Variants in CTNND2 observed in about 807,000 individuals in gnomAD.
CTNND2 encodes catenin delta 2.
Under a neutral mutation model 144.4 loss-of-function variants are expected in CTNND2, and 22 were observed. The observed-to-expected ratio is 0.15, with a 90% confidence interval of 0.11 to 0.22. The LOEUF is 0.22. CTNND2 is among the 10% of genes least tolerant of loss of function. The pLI, the probability that CTNND2 is intolerant of heterozygous loss-of-function variation, is 1.00. For synonymous variants in CTNND2, 751 were observed against 695.6 expected, an observed-to-expected ratio of 1.08 and a Z score of -1.25; for missense variants, 1,353 against 1,618.8, an observed-to-expected ratio of 0.84 and a Z score of 2.82.
chr5:11,221,164 A>T (rs559178414), intron 10 of CTNND2, among the ~76,000 whole-genome samples: 1 of 152,314 alleles, frequency 6.6e-6, no homozygotes, highest in South Asian at 2.1e-4. Context: ...TGAAACATTT[A>T]AAAAATATTT....
At chr5:11,702,435 G>T (rs1785488359) in intron 2 of CTNND2, among the ~76,000 whole-genome samples, 1 of 152,188 alleles carries the variant, frequency 6.6e-6, no homozygotes, top group Admixed American at 6.5e-5. Context: ...TGCTCAGACA[G>T]TTCTTGTTTT....
intron 10 of CTNND2, among the ~76,000 whole-genome samples, chr5:11,230,229 A>G (rs1459924549): frequency 1.1e-4 from 5 of 44,472 alleles, no homozygotes; most frequent in Admixed American, 3.3e-4. Flanking sequence ...GGGAGGGGGG[A>G]GGGGGGAGGG....
At chr5:10,975,798 C>T (rs975063773) in intron 21 of CTNND2, among the ~76,000 whole-genome samples, 5 of 152,228 alleles carry the variant, frequency 3.3e-5, no homozygotes, top group Non-Finnish European at 7.3e-5. Context: ...GGGACATCTT[C>T]AGGAGGAGTC....
At chr5:11,585,636 T>C (rs1186809736) in intron 2 of CTNND2, among the ~76,000 whole-genome samples, 1 of 152,060 alleles carries the variant, frequency 6.6e-6, no homozygotes, top group Admixed American at 6.6e-5. Context: ...GTTTACATTC[T>C]AATGGAGAAA....
chr5:11,742,220 C>T (rs1788058073), intron 1 of CTNND2, among the ~76,000 whole-genome samples: 1 of 152,154 alleles, frequency 6.6e-6, no homozygotes, highest in Admixed American at 6.6e-5. Context: ...ATATTGATGA[C>T]TTCTAAACAT....
Position 11,903,622 on chromosome 5 carries a change from C to T in CTNND2, c.37+195G>A, listed in dbSNP as rs1042706833. 6.6e-6 allele frequency among the ~76,000 whole-genome samples: 1 copy of T among 152,186 alleles called. No individual in the cohort carries two copies. Among genetic ancestry groups the T allele is most frequent in the African/African-American group, 2.4e-5 (1 of 41,452 alleles). On this transcript the variant is annotated intron_variant, in intron 1 of 21. Coordinates refer to ENST00000304623, the MANE Select transcript of CTNND2 (RefSeq NM_001332.4). The surrounding 1 kb of genome is among the most constrained non-coding windows in gnomAD (Gnocchi z 5.4). ...AAGAAAGGCACTAACCCCGGACCCC[C>T]TTCCAGGCACAGCGGCTTCCGAGGG...
At chr5:11,636,623 G>A (rs534555809) in intron 2 of CTNND2, among the ~76,000 whole-genome samples, 8 of 152,292 alleles carry the variant, frequency 5.3e-5, no homozygotes, top group African/African-American at 1.4e-4. Flanking sequence ...AACTCTGACT[G>A]AAAAAGTTTT....
chr5:11,218,623 A>G (rs1739462970), intron 10 of CTNND2, among the ~76,000 whole-genome samples: 1 of 152,230 alleles, frequency 6.6e-6, no homozygotes, highest in African/African-American at 2.4e-5. Context: ...CCTGGTGCCT[A>G]CCAAGCTTCC....
chr5:11,817,596 G>T (rs183989596), intron 1 of CTNND2, among the ~76,000 whole-genome samples: 12 of 152,138 alleles, frequency 7.9e-5, no homozygotes, highest in Admixed American at 5.9e-4. Context: ...CAGCTTTGCG[G>T]GGCAGCTGTG....
intron 12 of CTNND2, among the ~76,000 whole-genome samples, chr5:11,128,846 AAT>A (rs1269183789): frequency 3.0e-4 from 18 of 60,540 alleles, no homozygotes; most frequent in East Asian, 3.5e-4. Context: ...TTAAGTATAT[AAT>A]ATATATAATA....
chr5:11,848,040 A>C (rs987161564), intron 1 of CTNND2, among the ~76,000 whole-genome samples: 2 of 152,038 alleles, frequency 1.3e-5, no homozygotes, highest in African/African-American at 2.4e-5. Flanking sequence ...AGAATCCTAA[A>C]TTCCTATAGT....
chr5:11,002,744 C>A (rs1195639007), intron 18 of CTNND2, among the ~76,000 whole-genome samples: 6 of 152,026 alleles, frequency 3.9e-5, no homozygotes, highest in Non-Finnish European at 8.8e-5. Flanking sequence ...GGAGGGTGAC[C>A]CAGTGAATAG....
At chr5:11,826,848 G>A (rs1327304072) in intron 1 of CTNND2, among the ~76,000 whole-genome samples, 1 of 151,752 alleles carries the variant, frequency 6.6e-6, no homozygotes, top group African/African-American at 2.4e-5. Flanking sequence ...ATAATTCAAA[G>A]AAGAAAAAGA....
chr5:11,499,208 A>C (rs1379482652), intron 3 of CTNND2, among the ~76,000 whole-genome samples: 1 of 152,162 alleles, frequency 6.6e-6, no homozygotes, highest in Non-Finnish European at 1.5e-5. Flanking sequence ...TCAAGTTAAA[A>C]TATGGTATAT....
At chr5:11,569,577 T>C (rs1410285001) in intron 2 of CTNND2, among the ~76,000 whole-genome samples, 7 of 152,190 alleles carry the variant, frequency 4.6e-5, no homozygotes, top group Non-Finnish European at 1.5e-5. Context: ...TTAGCTAACT[T>C]AGTATGAAAA....
chr5:11,559,299 T>G (rs1465541494), intron 3 of CTNND2, among the ~76,000 whole-genome samples: 1 of 152,084 alleles, frequency 6.6e-6, no homozygotes, highest in Non-Finnish European at 1.5e-5. Flanking sequence ...AGACGTTGAC[T>G]TAGGGTCATG....
At chr5:11,108,340 T>C (rs770679957) in intron 14 of CTNND2, among the ~76,000 whole-genome samples, 3 of 152,292 alleles carry the variant, frequency 2.0e-5, no homozygotes, top group Middle Eastern at 3.4e-3. Context: ...TAAGGGGGCA[T>C]TGAAGTTTTA....
chr5:11,754,641 T>C (rs1486348426), intron 1 of CTNND2, among the ~76,000 whole-genome samples: 1 of 151,866 alleles, frequency 6.6e-6, no homozygotes, highest in Non-Finnish European at 1.5e-5. Context: ...GGTGCTCCTG[T>C]CTTGGGTGCA....
chr5:11,169,081 T>C (rs947562919), intron 11 of CTNND2, among the ~76,000 whole-genome samples: 2 of 152,200 alleles, frequency 1.3e-5, no homozygotes, highest in African/African-American at 4.8e-5. Context: ...GAGTAATAGT[T>C]TGCTCATCAT....
Sources: allele counts gnomAD v4.1 joint callset (sites outside exome capture counted in the v4.1 genomes callset), GRCh38; gene constraint gnomAD v4.1.1; non-coding constraint Gnocchi (gnomAD v3.1); transcripts MANE v1.5; gene names NCBI Gene and HGNC (gene_info 2026-07-23, HGNC 2026-07-21).